RBFOX1: variants seen among roughly 807,000 people sequenced by gnomAD.
The protein encoded by RBFOX1 is RNA binding fox-1 homolog 1, also known as RNA binding protein fox-1 homolog 1.
Under a neutral mutation model 57.7 loss-of-function variants are expected in RBFOX1, and 8 were observed. The observed-to-expected ratio is 0.14, with a 90% CI of 0.08 to 0.25. The LOEUF is 0.25. Among genes scored for constraint, RBFOX1 ranks in the 10% least tolerant of loss-of-function variants. The pLI is 1.00. For synonymous variants in RBFOX1, 326 were observed against 222.4 expected, an observed-to-expected ratio of 1.47 and a Z score of -4.15; for missense variants, 611 against 548.5, an observed-to-expected ratio of 1.11 and a Z score of -1.14.
intron 5 of RBFOX1, among the ~76,000 whole-genome samples, chr16:7,527,752 C>T (rs1283937405): frequency 6.6e-6 from 1 of 152,074 alleles, no homozygotes; most frequent in Non-Finnish European, 1.5e-5. Context: ...ATGACAAACA[C>T]ATAGTAAACA....
chr16:6,601,216 G>C (rs1053509840), intron 2 of RBFOX1, among the ~76,000 whole-genome samples: 2 of 152,144 alleles, frequency 1.3e-5, no homozygotes, highest in Non-Finnish European at 2.9e-5. Flanking sequence ...AAATGGAAGA[G>C]TCTTTTTTGC....
At chr16:7,077,144 C>T (rs1195432668) in intron 4 of RBFOX1, among the ~76,000 whole-genome samples, 1 of 152,164 alleles carries the variant, frequency 6.6e-6, no homozygotes, top group African/African-American at 2.4e-5. Flanking sequence ...GGAGTTTTAG[C>T]TCTGGGGGAA....
chr16:5,435,747 G>A (rs1185520214), intron 1 of RBFOX1, among the ~76,000 whole-genome samples: 1 of 152,172 alleles, frequency 6.6e-6, no homozygotes, highest in Non-Finnish European at 1.5e-5. Context: ...CAGAGCAATT[G>A]CATAATTGCT....
chr16:5,396,836 T>C (rs2151430318), intron 1 of RBFOX1, among the ~76,000 whole-genome samples: 1 of 152,374 alleles, frequency 6.6e-6, no homozygotes, highest in East Asian at 1.9e-4. Flanking sequence ...GATTGATTTC[T>C]TGAACTTCGT....
chr16:7,440,005 G>A (rs1455994375), intron 4 of RBFOX1, among the ~76,000 whole-genome samples: 1 of 139,278 alleles, frequency 7.2e-6, no homozygotes, highest in Admixed American at 7.9e-5. Context: ...AGGCTGCAGT[G>A]CAGTGGTGAG....
intron 2 of RBFOX1, among the ~76,000 whole-genome samples, chr16:6,637,719 G>A (rs1276229286): frequency 6.6e-6 from 1 of 151,476 alleles, no homozygotes; most frequent in African/African-American, 2.4e-5. Flanking sequence ...CATGAGTACA[G>A]GGTCTAGAAG....
chr16:5,257,744 C>A (rs181906855), intron 1 of RBFOX1, among the ~76,000 whole-genome samples: 1 of 152,158 alleles, frequency 6.6e-6, no homozygotes, highest in African/African-American at 2.4e-5. Context: ...GCCTCCCCCA[C>A]GCTTCCCTCC....
chr16:7,192,861 G>A (rs77958848), intron 4 of RBFOX1, among the ~76,000 whole-genome samples: 6,906 of 152,238 alleles, frequency 0.045, 499 homozygotes, highest in African/African-American at 0.16. Flanking sequence ...GATGAAGTCC[G>A]AGGATCATGT....
chr16:7,029,065 T>TAA (rs1273474120), intron 3 of RBFOX1, among the ~76,000 whole-genome samples: 4 of 23,806 alleles, frequency 1.7e-4, no homozygotes, highest in Non-Finnish European at 2.9e-4. Flanking sequence ...TATATATATA[T>TAA]ATATATATAT....
At chr16:5,681,240 ATTT>A (rs71404546) in intron 3 of RBFOX1, among the ~76,000 whole-genome samples, 6 of 134,594 alleles carry the variant, frequency 4.5e-5, no homozygotes, top group Admixed American at 1.5e-4. Context: ...TGCCTGGCTA[ATTT>A]TTTTTTTTTT....
In RBFOX1 at chr16:7,054,224, GGC is replaced by G. The variant is rs1343694605; in HGVS notation, c.27+2128_27+2129del. ...GTGATTTTTTTTTTCGGGGGGGGGG[GGC>G]GGGGAGCTTTTTTTTTTTTTTTTTT... is the stretch of plus-strand genomic sequence containing the variant. On this transcript the variant is annotated intron_variant, in intron 4 of 15. Coordinates refer to ENST00000550418, the MANE Select transcript of RBFOX1 (RefSeq NM_018723.4). 1.6e-4 allele frequency among the ~76,000 whole-genome samples: 15 copies of G among 91,386 alleles called. 1 individual carries two copies. The highest frequency in any genetic ancestry group is 5.5e-4 in the African/African-American group (13 of 23,830). 60.0% of individuals were successfully genotyped at this position (91,386 alleles called of 152,430 possible).
At chr16:6,004,672 C>T (rs150881793) in intron 4 of RBFOX1, among the ~76,000 whole-genome samples, 2 of 152,106 alleles carry the variant, frequency 1.3e-5, no homozygotes, top group African/African-American at 4.8e-5. Flanking sequence ...ATTTAATGCC[C>T]CTTGCCTTGA....
At position 7,428,556 on chromosome 16, in the gene RBFOX1, A is replaced by G. The variant is rs182024913; in HGVS notation, c.28-89591A>G. On this transcript the variant is annotated intron_variant, in intron 4 of 15. Coordinates refer to ENST00000550418, the MANE Select transcript of RBFOX1 (RefSeq NM_018723.4). ...TTATTATTATTTGTAGTTTTAGTAGAGACAGGGTTTTGCCATGTTGGCCAG... is the reference window on the plus strand; with the variant it reads ...TTATTATTATTTGTAGTTTTAGTAGGGACAGGGTTTTGCCATGTTGGCCAG... Among the ~76,000 whole-genome samples the G allele has an allele frequency of 2.6e-3, 384 of 147,272 alleles. 1 individual carries two copies. The highest frequency in any genetic ancestry group is 8.3e-3 in the African/African-American group (334 of 40,132).
intron 2 of RBFOX1, among the ~76,000 whole-genome samples, chr16:5,489,140 G>T (rs1597272147): frequency 6.6e-6 from 1 of 152,166 alleles, no homozygotes; most frequent in South Asian, 2.1e-4. Context: ...AGTCTCTGTG[G>T]GCAGCAGAGG....
intron 4 of RBFOX1, among the ~76,000 whole-genome samples, chr16:7,425,366 C>G (rs1046961613): frequency 1.3e-5 from 2 of 152,118 alleles, no homozygotes; most frequent in Non-Finnish European, 2.9e-5. Flanking sequence ...GTTACCTTCT[C>G]CACGTCTTCA....
intron 3 of RBFOX1, among the ~76,000 whole-genome samples, chr16:5,660,940 T>C (rs2049626767): frequency 6.6e-6 from 1 of 152,176 alleles, no homozygotes; most frequent in Non-Finnish European, 1.5e-5. Flanking sequence ...GGAGTGCTGA[T>C]GTTAGAGGTC....
intron 4 of RBFOX1, among the ~76,000 whole-genome samples, chr16:7,325,096 G>T (rs1376427264): frequency 1.3e-5 from 2 of 152,188 alleles, no homozygotes; most frequent in Non-Finnish European, 2.9e-5. Context: ...AAGGGAGGAA[G>T]AGTTTTGATA....
chr16:7,425,050 C>G (rs1045415085), intron 4 of RBFOX1, among the ~76,000 whole-genome samples: 6 of 152,076 alleles, frequency 3.9e-5, no homozygotes, highest in African/African-American at 7.2e-5. Context: ...TATTGTAAAT[C>G]TCAGTGTGTT....
At chr16:6,366,560 G>C (rs2089655792) in intron 2 of RBFOX1, among the ~76,000 whole-genome samples, 1 of 152,138 alleles carries the variant, frequency 6.6e-6, no homozygotes, top group South Asian at 2.1e-4. Context: ...CCCTTCAAGG[G>C]GGTGAGGATG....
Sources: gnomAD v4.1 joint callset for allele counts (sites outside exome capture counted in the v4.1 genomes callset) on GRCh38, gnomAD v4.1.1 for gene constraint, MANE v1.5 for transcripts, NCBI Gene and HGNC (gene_info 2026-07-23, HGNC 2026-07-21) for gene names.